GRIA2: variants seen among roughly 807,000 people sequenced by gnomAD.
GRIA2 encodes the protein glutamate ionotropic receptor AMPA type subunit 2.
GRIA2 carries 14 observed loss-of-function variants against 97.3 expected under a neutral mutation model. The ratio of observed to expected loss-of-function variants is 0.14; its 90% confidence interval spans 0.10 to 0.23. GRIA2 has a LOEUF of 0.23. Ranked by LOEUF, GRIA2 falls within the 10% of genes least tolerant of loss-of-function variation. The pLI is 1.00. For synonymous variants in GRIA2, 412 were observed against 387.8 expected (o/e 1.06, Z -0.73); for missense variants, 558 against 1,069.8 (o/e 0.52, Z 6.67).
chr4:157,312,528 G>T (rs1037671629), intron 3 of GRIA2, 151 bp from the exon 4 acceptor site: 2 of 497,642 alleles, frequency 4.0e-6, no homozygotes, highest in African/African-American at 2.0e-5. Flanking sequence ...AGGTGATAAA[G>T]ATCATAGCTA....
intron 2 of GRIA2, among the ~76,000 whole-genome samples, chr4:157,256,766 C>T (rs1241883686): frequency 1.3e-5 from 2 of 151,808 alleles, no homozygotes; most frequent in African/African-American, 4.8e-5. Context: ...TTCTGCCATC[C>T]TGACTTGATA....
rs771282129 is a variant in GRIA2 at position 157,221,627 on chromosome 4, C to T, written c.89-40C>T. ...CGCGCCCCTCCTTTCCCTCCCGGGG[C>T]ACTGACACTGTTCTCTTGCTTGCTG... On this transcript the variant is annotated intron_variant, in intron 1 of 15. Transcript: ENST00000264426. 3.7e-6 allele frequency: 6 copies of T among 1,604,852 alleles called. No individual in the cohort carries two copies. In the Admixed American group the frequency reaches 8.4e-5, roughly 23 times the overall value.
intron 11 of GRIA2, among the ~76,000 whole-genome samples, chr4:157,339,600 A>G (rs976267043): frequency 1.3e-5 from 2 of 151,942 alleles, no homozygotes; most frequent in African/African-American, 4.8e-5. Flanking sequence ...GACAACTTAC[A>G]TCTAACTTTC....
intron 5 of GRIA2, among the ~76,000 whole-genome samples, chr4:157,321,120 A>G (rs948624114): frequency 5.3e-5 from 8 of 152,142 alleles, no homozygotes; most frequent in African/African-American, 1.9e-4. Context: ...TAGACCAAGT[A>G]AGTAAAACCT....
intron 5 of GRIA2, among the ~76,000 whole-genome samples, chr4:157,321,118 G>A (rs546729959): frequency 1.8e-4 from 27 of 152,220 alleles, no homozygotes; most frequent in African/African-American, 5.5e-4. Flanking sequence ...TGTAGACCAA[G>A]TAAGTAAAAC....
At chr4:157,240,870 C>A (rs1730477590) in intron 2 of GRIA2, among the ~76,000 whole-genome samples, 1 of 151,624 alleles carries the variant, frequency 6.6e-6, no homozygotes, top group African/African-American at 2.4e-5. Flanking sequence ...TCCCCCCACC[C>A]CACAACAGTC....
intron 12 of GRIA2, among the ~76,000 whole-genome samples, chr4:157,345,347 T>G (rs1360554486): frequency 6.6e-6 from 1 of 152,062 alleles, no homozygotes; most frequent in Non-Finnish European, 1.5e-5. Flanking sequence ...TGCAGTTTTC[T>G]GTTTATGGAA....
At chr4:157,252,592 T>C (rs1308492371) in intron 2 of GRIA2, among the ~76,000 whole-genome samples, 1 of 152,104 alleles carries the variant, frequency 6.6e-6, no homozygotes, top group Non-Finnish European at 1.5e-5. Context: ...TATTGTATAA[T>C]GAATTATGGC....
chr4:157,272,447 A>G (rs1302714606), intron 2 of GRIA2, among the ~76,000 whole-genome samples: 1 of 152,032 alleles, frequency 6.6e-6, no homozygotes, highest in Non-Finnish European at 1.5e-5. Flanking sequence ...AAACCTCCAC[A>G]GGAAGAAGTA....
chr4:157,345,453 A>G (rs1735726765), intron 12 of GRIA2, among the ~76,000 whole-genome samples: 1 of 152,142 alleles, frequency 6.6e-6, no homozygotes, highest in African/African-American at 2.4e-5. Context: ...GCATACCTAT[A>G]ATTAAGAGAG....
chr4:157,290,275 A>T (rs543464378), intron 2 of GRIA2, among the ~76,000 whole-genome samples: 1 of 151,886 alleles, frequency 6.6e-6, no homozygotes, highest in African/African-American at 2.4e-5. Flanking sequence ...AGTACTATAA[A>T]ATTTTGCAAA....
intron 2 of GRIA2, among the ~76,000 whole-genome samples, chr4:157,224,500 AT>A (rs1375600555): frequency 6.6e-6 from 1 of 152,132 alleles, no homozygotes; most frequent in Admixed American, 6.5e-5. Flanking sequence ...AAATTTAGAG[AT>A]TGCAAAATGA....
intron 2 of GRIA2, among the ~76,000 whole-genome samples, chr4:157,235,850 A>G (rs941322245): frequency 1.3e-5 from 2 of 152,062 alleles, no homozygotes; most frequent in Non-Finnish European, 2.9e-5. Context: ...AATTAATTAT[A>G]ATAAATACTA....
chr4:157,360,696 G>GTTT, intron 13 of GRIA2: 4 of 417,820 alleles, frequency 9.6e-6, no homozygotes, highest in South Asian at 1.9e-5. Context: ...TTTGTCGTTT[G>GTTT]TTTTTTTTTT....
At chr4:157,266,107 G>C (rs377692495) in intron 2 of GRIA2, among the ~76,000 whole-genome samples, 2 of 152,076 alleles carry the variant, frequency 1.3e-5, no homozygotes, top group East Asian at 3.9e-4. Flanking sequence ...CAATGGAAGA[G>C]AGGAAGGAAG....
chr4:157,334,696 A>G (rs1176979752), intron 9 of GRIA2: 2 of 152,036 alleles, frequency 1.3e-5, no homozygotes, highest in African/African-American at 2.4e-5. Context: ...CAGCATGACA[A>G]GCTGTTGGTG....
chr4:157,357,299 T>TA (rs1736427458), intron 12 of GRIA2, among the ~76,000 whole-genome samples: 1 of 152,190 alleles, frequency 6.6e-6, no homozygotes, highest in Non-Finnish European at 1.5e-5. Context: ...AACAGTATTA[T>TA]AATGTCTATG....
At chr4:157,307,128 G>T (rs1733879741) in intron 3 of GRIA2, among the ~76,000 whole-genome samples, 1 of 152,078 alleles carries the variant, frequency 6.6e-6, no homozygotes, top group African/African-American at 2.4e-5. Context: ...CTAAATTACT[G>T]TTCTTTGGAA....
At chr4:157,343,820 A>G (rs1735653001) in intron 12 of GRIA2, among the ~76,000 whole-genome samples, 1 of 152,120 alleles carries the variant, frequency 6.6e-6, no homozygotes, top group Non-Finnish European at 1.5e-5. Context: ...GAAATTATGT[A>G]TATAAAAGTT....
Sources: allele counts gnomAD v4.1 joint callset (sites outside exome capture counted in the v4.1 genomes callset), GRCh38; gene constraint gnomAD v4.1.1; transcripts MANE v1.5; gene names NCBI Gene and HGNC (gene_info 2026-07-23, HGNC 2026-07-21).